SHISAL1: variants seen among roughly 807,000 people sequenced by gnomAD.
The protein encoded by SHISAL1 is shisa like 1, also known as protein shisa-like-1.
A neutral mutation model predicts 22.6 loss-of-function variants in SHISAL1; 9 were observed. That is an observed-to-expected ratio of 0.40 (90% confidence interval 0.24 to 0.70). The LOEUF (loss-of-function observed/expected upper bound fraction) is 0.70. Among genes scored for constraint, SHISAL1 ranks in the 30% least tolerant of loss-of-function variants. SHISAL1 has a pLI of 0.39. For synonymous variants in SHISAL1, 119 were observed against 115.4 expected, an observed-to-expected ratio of 1.03 and a Z score of -0.20; for missense variants, 246 against 270.6, an observed-to-expected ratio of 0.91 and a Z score of 0.64.
At chr22:44,325,491 G>A in the SHISAL1 span, among the ~76,000 whole-genome samples, 1 of 152,174 alleles carries the variant, frequency 6.6e-6, no homozygotes, top group Non-Finnish European at 1.5e-5. Context: ...GAGGGAGAAA[G>A]GGGCCTTTCT....
chr22:44,256,937 A>G (rs1366954023), intron 4 of SHISAL1, among the ~76,000 whole-genome samples: 2 of 152,274 alleles, frequency 1.3e-5, no homozygotes, highest in Non-Finnish European at 2.9e-5. Flanking sequence ...AGAAACTGTC[A>G]AATAGCAAAT....
chr22:44,276,222 G>A (rs1169131143), intron 4 of SHISAL1, among the ~76,000 whole-genome samples: 1 of 152,166 alleles, frequency 6.6e-6, no homozygotes, highest in Non-Finnish European at 1.5e-5. Flanking sequence ...CTGAACAGGG[G>A]CTGTGGAAGG....
At chr22:44,308,756 C>T (rs1052694475) in intron 1 of SHISAL1, among the ~76,000 whole-genome samples, 3 of 152,164 alleles carry the variant, frequency 2.0e-5, no homozygotes, top group African/African-American at 7.2e-5. Flanking sequence ...GCTGGGAGAA[C>T]AGAGCATGGG....
intron 1 of SHISAL1, among the ~76,000 whole-genome samples, chr22:44,302,843 G>A (rs1357720332): frequency 3.9e-4 from 10 of 25,458 alleles, no homozygotes; most frequent in East Asian, 1.8e-3. Flanking sequence ...GGGTGGGTGC[G>A]GTGAGGAGGC....
At chr22:44,327,236 G>GCA in the SHISAL1 span, among the ~76,000 whole-genome samples, 27 of 114,868 alleles carry the variant, frequency 2.4e-4, no homozygotes, top group Non-Finnish European at 3.8e-4. Context: ...AGAGTGGGGG[G>GCA]CGCGCACACA....
rs1439274682 is a variant in SHISAL1 at position 44,245,319 on chromosome 22, C to T, written c.*4366G>A. 3 of 152,376 alleles carry T rather than the reference C, an allele frequency of 2.0e-5. No homozygotes were observed. The highest frequency in any genetic ancestry group is 6.5e-5 in the Admixed American group (1 of 15,288). The allele number at this position is 152,376 out of a possible 1,614,324, so 9.4% of individuals were successfully genotyped here. ...CAGGTCTGTTCTTCCTTCCTTCCTT[C>T]TTACCTACCTACCTAGACAGAGTCT... On this transcript the variant is annotated 3_prime_UTR_variant, in exon 5 of 5. Transcript: ENST00000381176.
At chr22:44,281,539 G>A (rs1226112554) in intron 4 of SHISAL1, among the ~76,000 whole-genome samples, 1 of 152,160 alleles carries the variant, frequency 6.6e-6, no homozygotes, top group East Asian at 1.9e-4. Context: ...TGCTTAGAGA[G>A]GCTCTCTACG....
Position 44,249,474 on chromosome 22 carries a change from CCTCCCCTG to C in SHISAL1, c.*203_*210del. The C allele has an allele frequency of 1.9e-6, 1 of 518,876 alleles. No homozygotes were observed. 32.1% of individuals were successfully genotyped at this position (518,876 alleles called of 1,614,324 possible). A position where few individuals can be genotyped will look rare whatever the true frequency, so the allele number is the denominator to read the frequency against. On this transcript the variant is annotated 3_prime_UTR_variant, in exon 5 of 5. Coordinates refer to ENST00000381176, the MANE Select transcript of SHISAL1 (RefSeq NM_001099294.2). ...CTTGCGGACAGGTGGCTCAGAATCC[CCTCCCCTG>C]CACCCCCAGCCCCTACCCCTGAGTT...
chr22:44,309,094 C>T (rs529637862), intron 1 of SHISAL1, among the ~76,000 whole-genome samples: 2 of 152,314 alleles, frequency 1.3e-5, no homozygotes, highest in African/African-American at 4.8e-5. Flanking sequence ...CAAGTGCCAC[C>T]TCATCCACAA....
At chr22:44,322,204 A>C in the SHISAL1 span, among the ~76,000 whole-genome samples, 7 of 152,226 alleles carry the variant, frequency 4.6e-5, no homozygotes, top group African/African-American at 1.7e-4. Context: ...CTTCTCACAG[A>C]AAGTTATGAG....
At chr22:44,273,410 T>C (rs1412148453) in intron 4 of SHISAL1, among the ~76,000 whole-genome samples, 1 of 152,160 alleles carries the variant, frequency 6.6e-6, no homozygotes, top group Non-Finnish European at 1.5e-5. Flanking sequence ...GCACAGATGA[T>C]GGTAAATGTA....
intron 4 of SHISAL1, among the ~76,000 whole-genome samples, chr22:44,283,418 C>T (rs1418975876): frequency 6.6e-6 from 1 of 152,224 alleles, no homozygotes; most frequent in Admixed American, 6.5e-5. Context: ...GTGCCTGGCA[C>T]ACAGCAGGTG....
At chr22:44,249,828 A>AAGACTGGAAGAAAG in intron 4 of SHISAL1, 143 bp from the exon 5 acceptor site, 1 of 659,966 alleles carries the variant, frequency 1.5e-6, no homozygotes, top group Non-Finnish European at 2.8e-6. Context: ...ATGTGACTTT[A>AAGACTGGAAGAAAG]AGACTGGAAG....
intron 3 of SHISAL1, among the ~76,000 whole-genome samples, chr22:44,294,523 A>T (rs949452939): frequency 1.6e-4 from 25 of 152,370 alleles, no homozygotes; most frequent in African/African-American, 5.8e-4. Flanking sequence ...GCTTATTGGG[A>T]AAATAATTTG....
chr22:44,294,514 C>T (rs1335112368), intron 3 of SHISAL1, among the ~76,000 whole-genome samples: 1 of 152,084 alleles, frequency 6.6e-6, no homozygotes, highest in Non-Finnish European at 1.5e-5. Flanking sequence ...CAGCCTCATG[C>T]TTATTGGGAA....
chr22:44,297,898 T>G (rs2055398624), intron 2 of SHISAL1, among the ~76,000 whole-genome samples: 1 of 152,242 alleles, frequency 6.6e-6, no homozygotes, highest in Non-Finnish European at 1.5e-5. Context: ...TTGAAAGCTC[T>G]GTGTCTGCTG....
rs1462747647 is a variant in SHISAL1 at position 44,247,863 on chromosome 22, T to G, written c.*1822A>C. On this transcript the variant is annotated 3_prime_UTR_variant, in exon 5 of 5. Transcript: ENST00000381176. The stretch of plus-strand genomic sequence containing the variant: ...CATCTCCTTCTGCCTTCCCTCTGGG[T>G]CCCCAGCCACCTGGCTTTCTTGTGC... The G allele has an allele frequency of 1.3e-5, 2 of 152,412 alleles. No homozygotes were observed. The highest frequency in any genetic ancestry group is 2.9e-5 in the Non-Finnish European group (2 of 68,194). The allele number at this position is 152,412 out of a possible 1,614,324, so 9.4% of individuals were successfully genotyped here. A position where few individuals can be genotyped will look rare whatever the true frequency, so the allele number is the denominator to read the frequency against.
chr22:44,286,613 C>T (rs1406681160), intron 3 of SHISAL1, among the ~76,000 whole-genome samples: 1 of 152,216 alleles, frequency 6.6e-6, no homozygotes, highest in African/African-American at 2.4e-5. Context: ...AGGAAGTCTT[C>T]CGGACACCCT....
chr22:44,282,022 T>C (rs1012619449), intron 4 of SHISAL1, among the ~76,000 whole-genome samples: 3 of 152,224 alleles, frequency 2.0e-5, no homozygotes, highest in Non-Finnish European at 4.4e-5. Flanking sequence ...TGCGTGTCTG[T>C]GGGGACCAAG....
Sources: allele counts gnomAD v4.1 joint callset (sites outside exome capture counted in the v4.1 genomes callset), GRCh38; gene constraint gnomAD v4.1.1; transcripts MANE v1.5; gene names NCBI Gene and HGNC (gene_info 2026-07-23, HGNC 2026-07-21).